The following PEX5L variants were observed in gnomAD, a reference collection of about 807,000 sequenced individuals.
PEX5L encodes the protein PEX5-related protein.
Under a neutral mutation model 84.0 loss-of-function variants are expected in PEX5L, and 30 were observed. The observed-to-expected ratio is 0.36, with a 90% confidence interval of 0.27 to 0.48. PEX5L has a LOEUF of 0.48. Among genes scored for constraint, PEX5L ranks in the 20% least tolerant of loss-of-function variants. The pLI is 0.99. For synonymous variants in PEX5L, 270 were observed against 283.1 expected (o/e 0.95, Z 0.46); for missense variants, 533 against 754.6 (o/e 0.71, Z 3.44).
chr3:179,977,451 T>C (rs897377095), intron 1 of PEX5L, among the ~76,000 whole-genome samples: 2 of 152,232 alleles, frequency 1.3e-5, no homozygotes, highest in African/African-American at 4.8e-5. Context: ...TCCCTTATAA[T>C]ACAAAGCTTC....
chr3:179,952,028 A>C (rs961077113), intron 2 of PEX5L, among the ~76,000 whole-genome samples: 7 of 152,234 alleles, frequency 4.6e-5, no homozygotes, highest in African/African-American at 1.7e-4. Flanking sequence ...TTGTTACAAT[A>C]GTGACTTTTT....
At chr3:179,886,747 C>A (rs184798523) in intron 4 of PEX5L, among the ~76,000 whole-genome samples, 1 of 152,132 alleles carries the variant, frequency 6.6e-6, no homozygotes, top group East Asian at 1.9e-4. Context: ...GGAAAAATCA[C>A]GATTTCCTTC....
intron 8 of PEX5L, among the ~76,000 whole-genome samples, chr3:179,848,485 C>T (rs932513587): frequency 2.1e-5 from 3 of 145,186 alleles, no homozygotes; most frequent in South Asian, 2.2e-4. Flanking sequence ...TGGAAGGAGG[C>T]GAGGCTGAAC....
chr3:179,971,410 T>G (rs1784705388), intron 2 of PEX5L, among the ~76,000 whole-genome samples, 184 bp downstream of exon 2: 1 of 152,164 alleles, frequency 6.6e-6, no homozygotes, highest in African/African-American at 2.4e-5. Context: ...CATGTTGGCA[T>G]CATGCAAAAG....
intron 2 of PEX5L, among the ~76,000 whole-genome samples, chr3:179,912,998 A>G (rs1289981135): frequency 6.6e-6 from 1 of 152,112 alleles, no homozygotes; most frequent in Non-Finnish European, 1.5e-5. Context: ...GGTTTAGCAT[A>G]TTGTATTTAG....
chr3:179,910,577 T>C (rs1226273071), intron 2 of PEX5L, among the ~76,000 whole-genome samples: 1 of 152,210 alleles, frequency 6.6e-6, no homozygotes, highest in East Asian at 1.9e-4. Flanking sequence ...AGTTTTTAAA[T>C]TTTATTTGAA....
chr3:179,891,816 T>C (rs987866509), intron 3 of PEX5L, among the ~76,000 whole-genome samples: 1 of 152,186 alleles, frequency 6.6e-6, no homozygotes, highest in Non-Finnish European at 1.5e-5. Context: ...AACAAGTTTA[T>C]GATATTTCCT....
At chr3:179,820,645 T>G (rs1195633749) in intron 8 of PEX5L, 2 of 152,276 alleles carry the variant, frequency 1.3e-5, no homozygotes, top group Admixed American at 6.5e-5. Flanking sequence ...TACTTTGTTT[T>G]TGTTTCCTTG....
At chr3:179,978,296 A>G (rs1208741255) in intron 1 of PEX5L, among the ~76,000 whole-genome samples, 1 of 152,190 alleles carries the variant, frequency 6.6e-6, no homozygotes, top group East Asian at 1.9e-4. Context: ...ATTTTCCAAG[A>G]TTTCAAAAAA....
intron 8 of PEX5L, among the ~76,000 whole-genome samples, chr3:179,853,091 C>T (rs951763892): frequency 2.0e-5 from 3 of 152,062 alleles, no homozygotes; most frequent in African/African-American, 7.2e-5. Flanking sequence ...TATGGGAGAT[C>T]GACATGAAAC....
intron 8 of PEX5L, among the ~76,000 whole-genome samples, chr3:179,853,745 T>C (rs1297297225): frequency 6.6e-6 from 1 of 152,002 alleles, no homozygotes; most frequent in African/African-American, 2.4e-5. Flanking sequence ...GAGACAATTT[T>C]TCTTTTCTCT....
chr3:179,858,990 G>T, intron 8 of PEX5L, 72 bp downstream of exon 8: 2 of 895,340 alleles, frequency 2.2e-6, no homozygotes, highest in Non-Finnish European at 3.8e-6. Flanking sequence ...TTTCTATCTT[G>T]CTGAAGTTTG....
Position 179,979,083 on chromosome 3 carries a change from T to C in PEX5L, c.22-7418A>G, listed in dbSNP as rs1038065023. Among the ~76,000 whole-genome samples, 6 of 152,308 alleles carry C rather than the reference T, an allele frequency of 3.9e-5. 1 individual carries two copies. The highest frequency in any genetic ancestry group is 1.4e-4 in the African/African-American group (6 of 41,574). On this transcript the variant is annotated intron_variant, in intron 1 of 14. Coordinates refer to ENST00000467460, the MANE Select transcript of PEX5L (RefSeq NM_016559.3). ...GACTTCTCAGAGGGGTTACATTTGC[T>C]TTAAGGGACAGTACTTGGCTGGCAT...
intron 2 of PEX5L, among the ~76,000 whole-genome samples, chr3:179,920,870 A>T (rs1243643127): frequency 1.3e-5 from 2 of 152,204 alleles, no homozygotes; most frequent in Non-Finnish European, 2.9e-5. Context: ...TAACTTTAAA[A>T]ATTAATAAAA....
intron 1 of PEX5L, among the ~76,000 whole-genome samples, chr3:180,005,466 C>T (rs531002710): frequency 1.4e-4 from 21 of 152,256 alleles, no homozygotes; most frequent in African/African-American, 4.6e-4. Context: ...TGGTGGCTCA[C>T]GCCTGTAATC....
intron 8 of PEX5L, among the ~76,000 whole-genome samples, chr3:179,855,880 G>C (rs1335547283): frequency 6.6e-6 from 1 of 152,180 alleles, no homozygotes; most frequent in East Asian, 1.9e-4. Flanking sequence ...CCAGAACTGT[G>C]AGCAATACAT....
chr3:180,012,981 A>G (rs1789622815), intron 1 of PEX5L, among the ~76,000 whole-genome samples: 1 of 152,184 alleles, frequency 6.6e-6, no homozygotes. Flanking sequence ...TGATTTTTAA[A>G]AAAATTATTC....
intron 1 of PEX5L, among the ~76,000 whole-genome samples, chr3:180,016,221 G>A (rs1446512041): frequency 6.6e-6 from 1 of 151,966 alleles, no homozygotes; most frequent in East Asian, 1.9e-4. Flanking sequence ...CATACCATGG[G>A]GAAGGATGAC....
intron 1 of PEX5L, among the ~76,000 whole-genome samples, chr3:180,019,444 A>G (rs897832095): frequency 6.6e-6 from 1 of 152,154 alleles, no homozygotes; most frequent in Admixed American, 6.5e-5. Context: ...TCTGGTTGGA[A>G]TTTTAGCCTC....
Sources: allele counts gnomAD v4.1 joint callset (sites outside exome capture counted in the v4.1 genomes callset), GRCh38; gene constraint gnomAD v4.1.1; transcripts MANE v1.5; gene names NCBI Gene and HGNC (gene_info 2026-07-23, HGNC 2026-07-21).